Variants in TRPM6 observed in about 807,000 individuals in gnomAD.
TRPM6 encodes transient receptor potential cation channel subfamily M member 6, also known as channel kinase 2.
TRPM6 carries 111 observed loss-of-function variants against 247.6 expected under a neutral mutation model. That is an observed-to-expected ratio of 0.45 (90% CI 0.38 to 0.52). TRPM6 has a LOEUF of 0.52. Ranked by LOEUF, TRPM6 falls within the 20% of genes least tolerant of loss-of-function variation. The pLI, the probability that TRPM6 is intolerant of heterozygous loss-of-function variation, is 0.00. For missense variants in TRPM6, 2,126 were observed against 2,421.5 expected (o/e 0.88, Z 2.56); for synonymous variants, 892 against 853.8 (o/e 1.04, Z -0.78).
rs115317162 is a variant in TRPM6, at chr9:74,862,030, C to T, written c.34-3282G>A. On this transcript the variant is annotated intron_variant, in intron 1 of 38. Coordinates refer to ENST00000360774, the MANE Select transcript of TRPM6 (RefSeq NM_017662.5). The stretch of plus-strand genomic sequence containing the variant: ...CCTCCAAAGGTGTAAACAGGAAGCC[C>T]GTGTCATAACAAGAATGTGGAAACT... Among the ~76,000 whole-genome samples, 462 of 142,492 alleles carry T rather than the reference C, an allele frequency of 3.2e-3. 5 individuals are homozygous for T. Among genetic ancestry groups the T allele is most frequent in the African/African-American group, 0.011 (442 of 38,582 alleles). The allele number at this position is 142,492 out of a possible 152,430, so 93.5% of individuals were successfully genotyped here. A position where few individuals can be genotyped will look rare whatever the true frequency, so the allele number is the denominator to read the frequency against.
At chr9:74,736,761 C>A (rs1302033892) in intron 36 of TRPM6, among the ~76,000 whole-genome samples, 1 of 152,150 alleles carries the variant, frequency 6.6e-6, no homozygotes, top group East Asian at 1.9e-4. Flanking sequence ...CATAATTGCC[C>A]ATTAAAAGAA....
chr9:74,851,451 A>C (rs1830309772), intron 3 of TRPM6, among the ~76,000 whole-genome samples: 1 of 152,154 alleles, frequency 6.6e-6, no homozygotes. Flanking sequence ...GTGATTCTAA[A>C]ATTTATATTA....
intron 15 of TRPM6, among the ~76,000 whole-genome samples, chr9:74,802,477 G>A (rs1828379453): frequency 6.6e-6 from 1 of 152,126 alleles, no homozygotes; most frequent in African/African-American, 2.4e-5. Flanking sequence ...AAAGATGGGT[G>A]GGTAGGGGGA....
chr9:74,808,147 T>C lies in TRPM6; in HGVS notation c.1525A>G (p.Thr509Ala), dbSNP rs375129090. The change falls in exon 14 of 39, where the codon ACC becomes GCC. Residue 509 changes from threonine to alanine, a missense_variant. Thr to Ala is a moderately conservative substitution (Grantham distance 58). Transcript: ENST00000360774. ...QHTLLSGYRI[T>A]LIDIGLVVEY... ...ACTACTAATCCAATGTCAATCAAGGTTATTCGGTAGCCTGAAAGAAGGGTA... is the reference window on the plus strand; with the variant it reads ...ACTACTAATCCAATGTCAATCAAGGCTATTCGGTAGCCTGAAAGAAGGGTA... 2 of 1,613,874 alleles carry C rather than the reference T, an allele frequency of 1.2e-6. No individual in the cohort carries two copies. Among genetic ancestry groups the C allele is most frequent in the African/African-American group, 2.7e-5 (2 of 74,916 alleles).
intron 21 of TRPM6, 102 bp from the exon 22 acceptor site, chr9:74,782,955 T>C (rs931943110): frequency 1.0e-5 from 12 of 1,150,406 alleles, no homozygotes; most frequent in African/African-American, 9.1e-5. Context: ...AATAATAAGA[T>C]TGTCTAGTCA....
At chr9:74,839,893 G>GGAAGGAGGGAGT in intron 5 of TRPM6, 131 bp downstream of exon 5, 1 of 553,958 alleles carries the variant, frequency 1.8e-6, no homozygotes, top group Non-Finnish European at 3.1e-6. Context: ...AAGGAAGGAA[G>GGAAGGAGGGAGT]GAGGGAGGGA....
chr9:74,816,629 C>G, intron 11 of TRPM6, 40 bp downstream of exon 11: 3 of 1,549,874 alleles, frequency 1.9e-6, no homozygotes, highest in Non-Finnish European at 1.8e-6. Flanking sequence ...CAGACCATCA[C>G]ACAAAATATT....
intron 3 of TRPM6, among the ~76,000 whole-genome samples, chr9:74,852,916 G>A (rs568607422): frequency 5.3e-5 from 8 of 152,182 alleles, no homozygotes; most frequent in African/African-American, 1.7e-4. Flanking sequence ...CAGCCACCCC[G>A]TCTGGGAAGT....
chr9:74,834,110 T>C lies in TRPM6; in HGVS notation c.557A>G (p.His186Arg). The C allele has an allele frequency of 6.2e-7, 1 of 1,614,106 alleles. No homozygotes were observed. The highest frequency in any genetic ancestry group is 8.5e-7 in the Non-Finnish European group (1 of 1,179,968). ...ATGGGATTTCAAGGCATCCCCAACA[T>C]GCTTGGACACTCCTATGAACAACCA... is the stretch of plus-strand genomic sequence containing the variant. ...TEGINTGVSK[H>R]VGDALKSHSS... The change falls in exon 6 of 39, where the codon CAT becomes CGT. Residue 186 changes from histidine (H) to arginine (R), a missense_variant. Around this residue, in one of 3 missense-constraint regions of TRPM6, gnomAD observed 1,082 missense variants for 1,307.9 expected, o/e 0.83. Coordinates refer to ENST00000360774, the MANE Select transcript of TRPM6 (RefSeq NM_017662.5).
At chr9:74,850,016 G>A (rs564544080) in intron 3 of TRPM6, among the ~76,000 whole-genome samples, 1 of 152,350 alleles carries the variant, frequency 6.6e-6, no homozygotes, top group South Asian at 2.1e-4. Context: ...AGCATATGAA[G>A]TAGCACATGG....
Position 74,792,693 on chromosome 9 carries a change from T to G in TRPM6, c.2469A>C (p.Gln823His). ...NQHFGLESGH[Q>H]HLPWTRKVYE... ...AGACTTTCCTGGTCCACGGAAGGTG[T>G]TGGTGCCCACTTTCCAAACCAAAAT... Residue 823 changes from glutamine (Q) to histidine (H), a missense_variant, in exon 19 of 39, where the codon CAA becomes CAC. By Grantham distance (24) the Gln-to-His change is conservative. Coordinates refer to ENST00000360774, the MANE Select transcript of TRPM6 (RefSeq NM_017662.5). 6.2e-7 allele frequency: 1 copy of G among 1,613,932 alleles called. No homozygotes were observed. Among genetic ancestry groups the G allele is most frequent in the Non-Finnish European group, 8.5e-7 (1 of 1,179,840 alleles).
intron 18 of TRPM6, among the ~76,000 whole-genome samples, chr9:74,796,036 T>G (rs891870020): frequency 3.9e-5 from 6 of 152,240 alleles, no homozygotes; most frequent in Admixed American, 2.6e-4. Flanking sequence ...ATGCAAATTA[T>G]GTTCCTCAAC....
intron 1 of TRPM6, 96 bp downstream of exon 1, chr9:74,887,728 C>A (rs1024765526): frequency 6.2e-7 from 1 of 1,613,228 alleles, no homozygotes; most frequent in African/African-American, 1.3e-5. Context: ...GATGTAGTGT[C>A]CCTGGCCCCA....
chr9:74,834,812 A>G (rs1253197999), intron 5 of TRPM6, among the ~76,000 whole-genome samples: 2 of 152,114 alleles, frequency 1.3e-5, no homozygotes, highest in Non-Finnish European at 2.9e-5. Flanking sequence ...TATATGTGCC[A>G]CATTTTCTTA....
chr9:74,830,521 G>A (rs1188879357), intron 6 of TRPM6, among the ~76,000 whole-genome samples: 2 of 151,846 alleles, frequency 1.3e-5, no homozygotes, highest in South Asian at 2.1e-4. Context: ...TCAGCCTCCT[G>A]AGTAGCTAAG....
At position 74,762,302 on chromosome 9, in the gene TRPM6, A is replaced by G; in HGVS notation, c.4369T>C (p.Phe1457Leu). ...ACACCAGTTTCATCACCTTCTGAAA[A>G]TGCCCAGTTTACATATCCACCTCCA... The part of the protein sequence containing the change: ...QTGGGYVNWA[F>L]SEGDETGVFS... The change falls in exon 26 of 39, where the codon TTT becomes CTT. Residue 1457 changes from phenylalanine (F) to leucine (L), a missense_variant. Coordinates refer to ENST00000360774, the MANE Select transcript of TRPM6 (RefSeq NM_017662.5). 1 of 1,614,202 alleles carries G rather than the reference A, an allele frequency of 6.2e-7. No homozygotes were observed.
Position 74,796,828 on chromosome 9 carries a change from C to T in TRPM6, c.2304G>A (p.Met768Ile), listed in dbSNP as rs1292230934. The T allele has an allele frequency of 6.2e-7, 1 of 1,613,804 alleles. No homozygotes were observed. The highest frequency in any genetic ancestry group is 1.7e-5 in the Admixed American group (1 of 60,008). ...LTLEFKSKAE[M>I]SHVPQSQDFQ... ...AGTCCTGGGACTGGGGAACATGTGA[C>T]ATCTCAGCTTTGCTTTTAAATTCCA... is the stretch of plus-strand genomic sequence containing the variant. Residue 768 changes from methionine to isoleucine, a missense_variant, in exon 18 of 39, where the codon ATG becomes ATA. Around this residue, in one of 3 missense-constraint regions of TRPM6, gnomAD observed 1,082 missense variants for 1,307.9 expected, o/e 0.83. Coordinates refer to ENST00000360774, the MANE Select transcript of TRPM6 (RefSeq NM_017662.5).
At chr9:74,750,230 T>A (rs1826196309) in intron 30 of TRPM6, among the ~76,000 whole-genome samples, 2 of 152,118 alleles carry the variant, frequency 1.3e-5, no homozygotes, top group African/African-American at 4.8e-5. Flanking sequence ...ATATGCCTTA[T>A]AAACTAAAAG....
intron 1 of TRPM6, among the ~76,000 whole-genome samples, chr9:74,870,013 C>T (rs1830973030): frequency 1.3e-5 from 2 of 152,142 alleles, no homozygotes; most frequent in South Asian, 4.1e-4. Context: ...ATTTTTGCCC[C>T]TCTTACCCAG....
Sources: gnomAD v4.1 joint callset for allele counts (sites outside exome capture counted in the v4.1 genomes callset) on GRCh38, gnomAD v4.1.1 for gene constraint, gnomAD v4.1.1 regional missense constraint, MANE v1.5 for transcripts, NCBI Gene and HGNC (gene_info 2026-07-23, HGNC 2026-07-21) for gene names.